NAALADL2: variants seen among roughly 807,000 people sequenced by gnomAD.
NAALADL2 encodes the protein inactive N-acetylated-alpha-linked acidic dipeptidase-like protein 2.
NAALADL2 carries 76 observed loss-of-function variants against 87.2 expected under a neutral mutation model. The observed-to-expected ratio is 0.87, with a 90% CI of 0.72 to 1.05. The LOEUF (loss-of-function observed/expected upper bound fraction) is 1.05, where lower values mean the gene tolerates loss of function less well. Among genes scored for constraint, NAALADL2 ranks in the 50% least tolerant of loss-of-function variants. The pLI is 0.00. For missense variants in NAALADL2, 1,089 were observed against 945.8 expected (o/e 1.15, Z -1.99); for synonymous variants, 354 against 331.0 (o/e 1.07, Z -0.75).
chr3:175,216,885 T>C (rs1483827655), intron 2 of NAALADL2, among the ~76,000 whole-genome samples: 1 of 152,056 alleles, frequency 6.6e-6, no homozygotes, highest in African/African-American at 2.4e-5. Flanking sequence ...GCCAGGCTGG[T>C]CTCGAACTCC....
intron 3 of NAALADL2, among the ~76,000 whole-genome samples, chr3:174,779,748 G>T (rs6782227): frequency 0.24 from 36,868 of 151,938 alleles, 4,682 homozygotes; most frequent in Middle Eastern, 0.3. Flanking sequence ...CCCATTGCTT[G>T]TTTTTGTCAG....
intron 2 of NAALADL2, among the ~76,000 whole-genome samples, chr3:175,193,473 A>G (rs1738513556): frequency 2.0e-5 from 3 of 151,930 alleles, no homozygotes; most frequent in Admixed American, 2.0e-4. Flanking sequence ...GTCTCTGTGA[A>G]TATCCTACAC....
At chr3:175,331,574 A>C (rs115534135) in intron 5 of NAALADL2, among the ~76,000 whole-genome samples, 1,791 of 152,306 alleles carry the variant, frequency 0.012, 40 homozygotes, top group African/African-American at 0.041. Context: ...TTGTGATAAA[A>C]ATTCTGAACA....
Position 175,096,936 on chromosome 3 carries a change from T to A in NAALADL2, c.190T>A (p.Phe64Ile), listed in dbSNP as rs770387002. The A allele has an allele frequency of 6.2e-7, 1 of 1,613,420 alleles. No homozygotes were observed. Among genetic ancestry groups the A allele is most frequent in the Non-Finnish European group, 8.5e-7 (1 of 1,179,652 alleles). Residue 64 changes from phenylalanine (F) to isoleucine (I), a missense_variant, in exon 2 of 14, where the codon TTC becomes ATC. Coordinates refer to ENST00000454872, the MANE Select transcript of NAALADL2 (RefSeq NM_207015.3). ...KELEESGFDQ[F>I]QLDGAENQNL... ...ACTAGAGGAGTCTGGTTTTGACCAATTCCAGCTAGACGGTGCTGAGAATCA... is the reference window on the plus strand; with the variant it reads ...ACTAGAGGAGTCTGGTTTTGACCAAATCCAGCTAGACGGTGCTGAGAATCA...
intron 1 of NAALADL2, among the ~76,000 whole-genome samples, chr3:174,547,546 A>C (rs574038503): frequency 1.3e-5 from 2 of 152,032 alleles, no homozygotes; most frequent in African/African-American, 2.4e-5. Flanking sequence ...GAATCCCAAT[A>C]ATAAGGAATA....
chr3:175,479,180 G>T (rs1417520654), intron 9 of NAALADL2, among the ~76,000 whole-genome samples: 2 of 151,592 alleles, frequency 1.3e-5, no homozygotes, highest in Admixed American at 6.6e-5. Flanking sequence ...TTTTTAAGTT[G>T]TAACCTGATT....
At chr3:174,857,034 T>A (rs1725930527), upstream of NAALADL2, among the ~76,000 whole-genome samples, 3 of 152,156 alleles carry the variant, frequency 2.0e-5, no homozygotes, top group South Asian at 6.2e-4. Context: ...GTACCTATAA[T>A]ATAATGTGAC....
intron 1 of NAALADL2, among the ~76,000 whole-genome samples, chr3:174,958,444 C>T (rs62286228): frequency 1.3e-5 from 2 of 151,962 alleles, no homozygotes; most frequent in African/African-American, 2.4e-5. Context: ...CATCTGTTTC[C>T]CCAGAGAGTC....
chr3:175,499,876 G>A (rs1375587792), intron 9 of NAALADL2, among the ~76,000 whole-genome samples: 1 of 152,036 alleles, frequency 6.6e-6, no homozygotes, highest in Non-Finnish European at 1.5e-5. Context: ...AACCAAGCTT[G>A]CAGCTATGGG....
intron 2 of NAALADL2, among the ~76,000 whole-genome samples, chr3:174,714,656 A>C (rs1373190194): frequency 7.9e-5 from 12 of 152,152 alleles, no homozygotes; most frequent in Admixed American, 7.9e-4. Flanking sequence ...TTGTATCCTG[A>C]GACTTTGCTG....
chr3:174,816,415 T>C (rs4519713), intron 3 of NAALADL2, among the ~76,000 whole-genome samples: 3,069 of 36,632 alleles, frequency 0.084, 80 homozygotes, highest in African/African-American at 0.33. Flanking sequence ...TGTGTGTGCG[T>C]GTGTGTGTGT....
intron 2 of NAALADL2, among the ~76,000 whole-genome samples, chr3:175,138,765 T>A (rs1236501632): frequency 6.7e-6 from 1 of 149,090 alleles, no homozygotes; most frequent in Non-Finnish European, 1.5e-5. Context: ...TATTTTTGAA[T>A]GTAGGAAATA....
At chr3:175,356,578 A>ATAATAATAATAG (rs1216878266) in intron 5 of NAALADL2, among the ~76,000 whole-genome samples, 3 of 117,034 alleles carry the variant, frequency 2.6e-5, no homozygotes, top group African/African-American at 1.1e-4. Context: ...CTGTGTCAAA[A>ATAATAATAATAG]TAATAATAAT....
chr3:175,803,217 A>AAAC lies in NAALADL2; in HGVS notation c.*14_*15insAAC, dbSNP rs756496454. On this transcript the variant is annotated 3_prime_UTR_variant, in exon 14 of 14. Transcript: ENST00000454872. ...GGGAAGAATTGAGAAAACTCTGAGC[A>AAAC]TTTTTAAAAGTTTGTTTACAATTCC... 1 of 1,569,504 alleles carries AAAC rather than the reference A, an allele frequency of 6.4e-7. No individual in the cohort carries two copies. Among genetic ancestry groups the AAAC allele is most frequent in the Non-Finnish European group, 8.6e-7 (1 of 1,156,166 alleles).
At chr3:175,000,028 T>C (rs992606485) in intron 1 of NAALADL2, among the ~76,000 whole-genome samples, 7 of 152,194 alleles carry the variant, frequency 4.6e-5, no homozygotes, top group Non-Finnish European at 2.9e-5. Context: ...CTAGTGTCTA[T>C]TAAAAGAAAT....
intron 5 of NAALADL2, among the ~76,000 whole-genome samples, chr3:175,442,441 A>G (rs1252420444): frequency 6.6e-6 from 1 of 152,172 alleles, no homozygotes; most frequent in Non-Finnish European, 1.5e-5. Context: ...ACTTATTTTA[A>G]TGCTAATTTC....
chr3:175,112,691 A>C (rs1185667076), intron 2 of NAALADL2: 2 of 151,662 alleles, frequency 1.3e-5, no homozygotes, highest in African/African-American at 4.8e-5. Flanking sequence ...TTGAATGCCT[A>C]CTCTGTACAT....
At chr3:174,517,302 G>A (rs895905225) in intron 1 of NAALADL2, among the ~76,000 whole-genome samples, 2 of 151,944 alleles carry the variant, frequency 1.3e-5, no homozygotes, top group Non-Finnish European at 2.9e-5. Flanking sequence ...CCAAAATAAA[G>A]CATTATGTAT....
At chr3:174,820,469 T>C (rs1721296772) in intron 3 of NAALADL2, among the ~76,000 whole-genome samples, 1 of 152,146 alleles carries the variant, frequency 6.6e-6, no homozygotes, top group Admixed American at 6.6e-5. Flanking sequence ...GTATATACAA[T>C]TGTAGTGGTC....
Sources: allele counts gnomAD v4.1 joint callset (sites outside exome capture counted in the v4.1 genomes callset), GRCh38; gene constraint gnomAD v4.1.1; transcripts MANE v1.5; gene names NCBI Gene and HGNC (gene_info 2026-07-23, HGNC 2026-07-21).